Variants in OPCML observed in about 807,000 individuals in gnomAD.
The protein encoded by OPCML is opioid-binding protein/cell adhesion molecule.
A neutral mutation model predicts 37.8 loss-of-function variants in OPCML; 13 were observed. That is an observed-to-expected ratio of 0.34 (90% CI 0.22 to 0.55). The LOEUF is 0.55. OPCML is among the 20% of genes least tolerant of loss of function. The pLI is 0.91. For synonymous variants in OPCML, 176 were observed against 168.8 expected (o/e 1.04, Z -0.33); for missense variants, 341 against 435.6 (o/e 0.78, Z 1.93).
chr11:133,516,607 A>C (rs1458006448), intron 1 of OPCML, among the ~76,000 whole-genome samples: 1 of 152,100 alleles, frequency 6.6e-6, no homozygotes, highest in East Asian at 1.9e-4. Context: ...ATTTCTCCTC[A>C]GGGGCAAGGG....
chr11:133,165,358 C>G (rs1342517254), intron 1 of OPCML, among the ~76,000 whole-genome samples: 1 of 152,090 alleles, frequency 6.6e-6, no homozygotes, highest in East Asian at 1.9e-4. Flanking sequence ...AGGGCCCCTC[C>G]CCTTCATCCA....
Position 132,943,143 on chromosome 11 carries a change from C to T in OPCML, c.62-133G>A, listed in dbSNP as rs1424096972. The T allele has an allele frequency of 3.1e-6, 5 of 1,604,816 alleles. No homozygotes were observed. The highest frequency in any genetic ancestry group is 2.2e-5 in the South Asian group (2 of 90,790). ...CTCCGGCAGCCGCACAGTCCTGGTC[C>T]CCCGCCCCGCGCACCAGCGGGCTCG... is the stretch of plus-strand genomic sequence containing the variant. On this transcript the variant is annotated intron_variant, in intron 1 of 7. Coordinates refer to ENST00000524381, the MANE Select transcript of OPCML (RefSeq NM_001012393.5). The surrounding 1 kb of genome is among the most constrained non-coding windows in gnomAD (Gnocchi z 4.3).
chr11:132,623,670 A>G (rs1042516733), intron 3 of OPCML, among the ~76,000 whole-genome samples: 1 of 152,208 alleles, frequency 6.6e-6, no homozygotes, highest in African/African-American at 2.4e-5. Context: ...GTGGGCAGGC[A>G]TGGCCCAAGG....
At chr11:132,690,605 T>A (rs1249974388) in intron 2 of OPCML, among the ~76,000 whole-genome samples, 1 of 152,196 alleles carries the variant, frequency 6.6e-6, no homozygotes, top group Non-Finnish European at 1.5e-5. Flanking sequence ...CATTCTTTTT[T>A]CCTTCCACTG....
chr11:133,484,066 ATAGAT>A (rs1947468342), intron 1 of OPCML, among the ~76,000 whole-genome samples: 1 of 148,204 alleles, frequency 6.7e-6, no homozygotes, highest in Non-Finnish European at 1.5e-5. Context: ...AGATAGATAG[ATAGAT>A]AGATAGATAG....
At chr11:133,486,734 C>T (rs1052295934) in intron 1 of OPCML, among the ~76,000 whole-genome samples, 1 of 152,090 alleles carries the variant, frequency 6.6e-6, no homozygotes, top group Non-Finnish European at 1.5e-5. Context: ...CGTCTCTACT[C>T]GGAGGGTACT....
chr11:132,679,436 T>A (rs923513801), intron 2 of OPCML, among the ~76,000 whole-genome samples: 4 of 152,238 alleles, frequency 2.6e-5, no homozygotes, highest in Admixed American at 6.5e-5. Context: ...TAGTGATACA[T>A]TCTCCAACGT....
intron 1 of OPCML, among the ~76,000 whole-genome samples, chr11:132,979,990 T>A (rs1946548286): frequency 6.6e-6 from 1 of 152,224 alleles, no homozygotes; most frequent in Non-Finnish European, 1.5e-5. Flanking sequence ...GTGCTGAATC[T>A]TGAGTCTAGA....
chr11:132,626,994 C>A (rs1334219434), intron 3 of OPCML, among the ~76,000 whole-genome samples: 1 of 151,570 alleles, frequency 6.6e-6, no homozygotes, highest in African/African-American at 2.4e-5. Flanking sequence ...CACCTGCCAA[C>A]ACTAAAAAGC....
chr11:132,877,289 C>G (rs890345760), intron 2 of OPCML, among the ~76,000 whole-genome samples: 2 of 151,834 alleles, frequency 1.3e-5, no homozygotes, highest in Non-Finnish European at 2.9e-5. Context: ...TAAGCTGCAC[C>G]CCCCCACCCA....
At chr11:133,529,473 C>A (rs763737870) in intron 1 of OPCML, among the ~76,000 whole-genome samples, 1 of 152,224 alleles carries the variant, frequency 6.6e-6, no homozygotes, top group Non-Finnish European at 1.5e-5. Context: ...GCCCTCTGCC[C>A]TGTCTTGGGT....
At chr11:133,276,565 G>T (rs1322988106) in intron 1 of OPCML, among the ~76,000 whole-genome samples, 2 of 152,284 alleles carry the variant, frequency 1.3e-5, no homozygotes, top group Non-Finnish European at 2.9e-5. Context: ...GCGTAATATT[G>T]AAAAACAGAT....
At chr11:133,399,255 A>G (rs1389452868) in intron 1 of OPCML, among the ~76,000 whole-genome samples, 2 of 152,186 alleles carry the variant, frequency 1.3e-5, no homozygotes, top group Admixed American at 1.3e-4. Context: ...CAGGCCTGCC[A>G]TCTCTATTGA....
At chr11:132,987,159 T>C (rs940744862) in intron 1 of OPCML, among the ~76,000 whole-genome samples, 1 of 152,114 alleles carries the variant, frequency 6.6e-6, no homozygotes, top group Non-Finnish European at 1.5e-5. Flanking sequence ...CTGTCTGTCT[T>C]GTGGAGAAGA....
At chr11:132,675,407 T>G (rs1942660219) in intron 2 of OPCML, among the ~76,000 whole-genome samples, 1 of 152,014 alleles carries the variant, frequency 6.6e-6, no homozygotes, top group Non-Finnish European at 1.5e-5. Context: ...CAAACATTTC[T>G]ATTCAAAATT....
intron 2 of OPCML, among the ~76,000 whole-genome samples, chr11:132,659,562 T>C (rs1941861912): frequency 1.3e-5 from 2 of 152,294 alleles, no homozygotes; most frequent in Non-Finnish European, 2.9e-5. Flanking sequence ...CAAACAAATA[T>C]TGCTTTAATT....
intron 1 of OPCML, among the ~76,000 whole-genome samples, chr11:133,040,288 C>T (rs1457273957): frequency 6.6e-6 from 1 of 152,152 alleles, no homozygotes. Flanking sequence ...CAGTTCTTCT[C>T]AAGCTCACTC....
At chr11:132,852,133 A>T (rs1941838079) in intron 2 of OPCML, among the ~76,000 whole-genome samples, 1 of 152,178 alleles carries the variant, frequency 6.6e-6, no homozygotes, top group Non-Finnish European at 1.5e-5. Context: ...AGACCTTGTT[A>T]AAATAATTCT....
chr11:132,926,874 A>G (rs573504182), intron 2 of OPCML, among the ~76,000 whole-genome samples: 1 of 152,280 alleles, frequency 6.6e-6, no homozygotes, highest in African/African-American at 2.4e-5. Context: ...CTATGAAAAA[A>G]GGGATGAAAT....
Sources: gnomAD v4.1 joint callset for allele counts (sites outside exome capture counted in the v4.1 genomes callset) on GRCh38, gnomAD v4.1.1 for gene constraint, Gnocchi (gnomAD v3.1) non-coding constraint, MANE v1.5 for transcripts, NCBI Gene and HGNC (gene_info 2026-07-23, HGNC 2026-07-21) for gene names.